The following CEP63 variants were observed in gnomAD, a reference collection of about 807,000 sequenced individuals.
The protein encoded by CEP63 is centrosomal protein 63, also known as centrosomal protein of 63 kDa.
In CEP63, 84 loss-of-function variants were observed where a neutral mutation model predicts 89.1. That is an observed-to-expected ratio of 0.94 (90% CI 0.79 to 1.13). The LOEUF (loss-of-function observed/expected upper bound fraction) is 1.13, where lower values mean the gene tolerates loss of function less well. Ranked by LOEUF, CEP63 falls within the 50% of genes most tolerant of loss-of-function variation. The pLI, the probability that CEP63 is intolerant of heterozygous loss-of-function variation, is 0.00. For synonymous variants in CEP63, 267 were observed against 272.5 expected, an observed-to-expected ratio of 0.98 and a Z score of 0.20; for missense variants, 838 against 813.3, an observed-to-expected ratio of 1.03 and a Z score of -0.37.
chr3:134,699,012 C>T, the CEP63 span, among the ~76,000 whole-genome samples: 12 of 152,246 alleles, frequency 7.9e-5, no homozygotes, highest in African/African-American at 2.9e-4. Context: ...CCTCTCACTA[C>T]TTGGAGAGGG....
At chr3:134,726,420 A>T in the CEP63 span, among the ~76,000 whole-genome samples, 2 of 151,070 alleles carry the variant, frequency 1.3e-5, no homozygotes, top group Admixed American at 6.6e-5. Context: ...GGTGCTCTGT[A>T]ACTTCCAGCT....
the CEP63 span, among the ~76,000 whole-genome samples, chr3:134,719,607 C>G: frequency 6.6e-6 from 1 of 152,120 alleles, no homozygotes; most frequent in Non-Finnish European, 1.5e-5. Flanking sequence ...AATTCTGTAC[C>G]TAGTAGCAGT....
chr3:134,571,819 A>G (rs1351301875), intron 11 of CEP63, among the ~76,000 whole-genome samples: 2 of 152,248 alleles, frequency 1.3e-5, no homozygotes, highest in African/African-American at 4.8e-5. Context: ...TTGTTAACTC[A>G]TTAAATAACA....
chr3:134,557,376 GTTTTTTTTTTTTTTTTT>G (rs199930556), intron 12 of CEP63, among the ~76,000 whole-genome samples: 5 of 101,500 alleles, frequency 4.9e-5, no homozygotes, highest in African/African-American at 2.5e-4. Context: ...TTCATAATTT[GTTTTTTTTTTTTTTTTT>G]TTTTTTTTTT....
At chr3:134,769,457 G>T in the CEP63 span, among the ~76,000 whole-genome samples, 1 of 152,210 alleles carries the variant, frequency 6.6e-6, no homozygotes, top group Non-Finnish European at 1.5e-5. Context: ...AATAACAGCT[G>T]CCTAAGACTG....
chr3:134,544,373 A>C (rs553371890), intron 6 of CEP63, among the ~76,000 whole-genome samples: 2 of 152,336 alleles, frequency 1.3e-5, no homozygotes, highest in South Asian at 4.1e-4. Flanking sequence ...GCATAGCCTA[A>C]AACATAGTAG....
intron 12 of CEP63, among the ~76,000 whole-genome samples, chr3:134,554,837 A>T (rs1194893703): frequency 2.0e-5 from 3 of 152,126 alleles, no homozygotes; most frequent in Non-Finnish European, 2.9e-5. Flanking sequence ...ATGGCCAGTG[A>T]TGATGAGCAT....
In CEP63 at chr3:134,497,029, C is replaced by T. The variant is rs182353245; in HGVS notation, c.44+1665C>T. Among the ~76,000 whole-genome samples, 231 of 152,140 alleles carry T rather than the reference C, an allele frequency of 1.5e-3. 3 individuals carry two copies. The highest frequency in any genetic ancestry group is 5.5e-3 in the African/African-American group (229 of 41,502). The stretch of plus-strand genomic sequence containing the variant: ...CATTTTCCTGGTGATTTAGTGGTGT[C>T]GACCATTTTTTCATACACCTTTTGG... On this transcript the variant is annotated intron_variant, in intron 2 of 14. Transcript: ENST00000675561.
rs747946881 is a variant in CEP63, at chr3:134,499,820, C to CTTTTTT, written c.44+4472_44+4477dup. Among the ~76,000 whole-genome samples, 117 of 99,116 alleles carry CTTTTTT rather than the reference C, an allele frequency of 1.2e-3. 1 individual carries two copies. The highest frequency in any genetic ancestry group is 7.5e-3 in the Middle Eastern group (1 of 134). 65.0% of individuals were successfully genotyped at this position (99,116 alleles called of 152,430 possible). On this transcript the variant is annotated intron_variant, in intron 2 of 14. Coordinates refer to ENST00000675561, the MANE Select transcript of CEP63 (RefSeq NM_001353108.3). Reference sequence around the variant, plus strand: ...CAGTGTCTGTTGTTCCCATCTTCATCTTTTTTTTTTTTTTTTTTTTTGAGA... The same window carrying CTTTTTT: ...CAGTGTCTGTTGTTCCCATCTTCATCTTTTTTTTTTTTTTTTTTTTTTTTTTTGAGA...
intron 10 of CEP63, among the ~76,000 whole-genome samples, chr3:134,581,962 A>G (rs1958366503): frequency 6.6e-6 from 1 of 152,054 alleles, no homozygotes; most frequent in Admixed American, 6.6e-5. Flanking sequence ...GGCGTGAGCC[A>G]CCGCGCCCGG....
At chr3:134,612,325 C>T in the CEP63 span, among the ~76,000 whole-genome samples, 51,925 of 152,060 alleles carry the variant, frequency 0.34, 9,257 homozygotes, top group Non-Finnish European at 0.37. Flanking sequence ...GGCCATAAGC[C>T]ACTCCAGGGC....
chr3:134,715,711 G>A, the CEP63 span, among the ~76,000 whole-genome samples: 1 of 151,906 alleles, frequency 6.6e-6, no homozygotes, highest in African/African-American at 2.4e-5. Context: ...TATGTTATAG[G>A]AGCCTCATGG....
chr3:134,559,671 G>A (rs1956991677), intron 14 of CEP63, among the ~76,000 whole-genome samples: 1 of 152,172 alleles, frequency 6.6e-6, no homozygotes, highest in Non-Finnish European at 1.5e-5. Context: ...ACCCTTATTG[G>A]AAATTCCCTT....
rs903894350 is a variant in CEP63, at chr3:134,548,002, C to A, written c.1067+530C>A. Among the ~76,000 whole-genome samples the A allele has an allele frequency of 2.0e-5, 3 of 152,252 alleles. No individual in the cohort carries two copies. In the East Asian group the frequency reaches 5.8e-4, roughly 29 times the overall value. ...ATCTACCAGTCTGCCCATACCTGTGCCTTTCTGCACTTCTAAGACCAACCA... is the reference window on the plus strand; with the variant it reads ...ATCTACCAGTCTGCCCATACCTGTGACTTTCTGCACTTCTAAGACCAACCA... On this transcript the variant is annotated intron_variant, in intron 9 of 14. Coordinates refer to ENST00000675561, the MANE Select transcript of CEP63 (RefSeq NM_001353108.3).
At chr3:134,751,755 C>T in the CEP63 span, among the ~76,000 whole-genome samples, 1 of 152,214 alleles carries the variant, frequency 6.6e-6, no homozygotes, top group African/African-American at 2.4e-5. Flanking sequence ...TATATTTATG[C>T]GTCTTACTTT....
downstream of CEP63, among the ~76,000 whole-genome samples, chr3:134,578,336 T>TG (rs143434459): frequency 0.59 from 80,529 of 136,676 alleles, 23,778 homozygotes; most frequent in East Asian, 0.8. Flanking sequence ...TTTTTTTTTT[T>TG]TTTTTTTTTT....
chr3:134,756,790 G>A, the CEP63 span, among the ~76,000 whole-genome samples: 11 of 152,284 alleles, frequency 7.2e-5, no homozygotes, highest in African/African-American at 2.6e-4. Flanking sequence ...ACAGGCTGAA[G>A]GTCCAGCTGA....
chr3:134,629,100 G>A, the CEP63 span, among the ~76,000 whole-genome samples: 2 of 152,218 alleles, frequency 1.3e-5, no homozygotes, highest in South Asian at 4.1e-4. Flanking sequence ...CTGGGCCTAT[G>A]TGCACTGCAC....
chr3:134,574,262 T>C (rs1047955702), intron 11 of CEP63, among the ~76,000 whole-genome samples: 4 of 152,196 alleles, frequency 2.6e-5, no homozygotes, highest in Non-Finnish European at 1.5e-5. Context: ...GAGCGGCTTC[T>C]GCAGGGAGAC....
Sources: gnomAD v4.1 joint callset for allele counts (sites outside exome capture counted in the v4.1 genomes callset) on GRCh38, gnomAD v4.1.1 for gene constraint, MANE v1.5 for transcripts, NCBI Gene and HGNC (gene_info 2026-07-23, HGNC 2026-07-21) for gene names.